Variants in TMEM126A observed in about 807,000 individuals in gnomAD.
TMEM126A encodes transmembrane protein 126A.
TMEM126A carries 10 observed loss-of-function variants against 18.3 expected under a neutral mutation model. The observed-to-expected ratio is 0.55, with a 90% confidence interval of 0.34 to 0.93. TMEM126A has a LOEUF of 0.93. Among genes scored for constraint, TMEM126A ranks in the 40% least tolerant of loss-of-function variants. TMEM126A has a pLI of 0.02. For synonymous variants in TMEM126A, 68 were observed against 78.1 expected (o/e 0.87, Z 0.68); for missense variants, 246 against 230.2 (o/e 1.07, Z -0.44).
intron 2 of TMEM126A, among the ~76,000 whole-genome samples, chr11:85,653,766 C>T (rs2082517540): frequency 6.6e-6 from 1 of 152,108 alleles, no homozygotes; most frequent in Non-Finnish European, 1.5e-5. Flanking sequence ...TGTTTAAAGA[C>T]TAGTGTAGAA....
chr11:85,648,967 C>G (rs950016720), intron 1 of TMEM126A, among the ~76,000 whole-genome samples: 9 of 143,090 alleles, frequency 6.3e-5, no homozygotes, highest in African/African-American at 1.9e-4. Context: ...GACCGAGTCT[C>G]GCTCTCACCC....
intron 1 of TMEM126A, among the ~76,000 whole-genome samples, chr11:85,649,658 T>A (rs2082485490): frequency 6.6e-6 from 1 of 152,254 alleles, no homozygotes; most frequent in Non-Finnish European, 1.5e-5. Context: ...CCCGCATTCT[T>A]GCCAATAATT....
rs894357391 is a variant in TMEM126A at position 85,655,646 on chromosome 11, T to G, written c.333T>G (p.Leu111=). The G allele has an allele frequency of 6.2e-7, 1 of 1,613,636 alleles. No individual in the cohort carries two copies. The highest frequency in any genetic ancestry group is 1.3e-5 in the African/African-American group (1 of 74,912). The part of the protein sequence containing the change: ...CTITRSGLTG[L]VIGGLYPVFL... ...TAACACGGAGTGGACTGACTGGTCTTGTTATTGGTGGTCTATACCCTGTTT... is the reference window on the plus strand; with the variant it reads ...TAACACGGAGTGGACTGACTGGTCTGGTTATTGGTGGTCTATACCCTGTTT... The change falls in exon 4 of 5, where the codon CTT becomes CTG. Residue 111 remains leucine (L), a synonymous_variant. Transcript: ENST00000304511.
At chr11:85,648,936 G>GTTTTT (rs760886814) in intron 1 of TMEM126A, among the ~76,000 whole-genome samples, 2 of 132,414 alleles carry the variant, frequency 1.5e-5, no homozygotes, top group Admixed American at 7.6e-5. Context: ...TCCCTGAACT[G>GTTTTT]TTTTTTTTTT....
intron 3 of TMEM126A, among the ~76,000 whole-genome samples, chr11:85,654,753 A>G (rs530050432): frequency 2.0e-5 from 3 of 152,172 alleles, no homozygotes; most frequent in South Asian, 4.2e-4. Context: ...GCACCCGGCA[A>G]TACTTCCCTT....
At chr11:85,651,682 G>C (rs1194190430) in intron 2 of TMEM126A, among the ~76,000 whole-genome samples, 2 of 151,752 alleles carry the variant, frequency 1.3e-5, no homozygotes, top group Non-Finnish European at 1.5e-5. Flanking sequence ...ATCTCCAAGG[G>C]GAAGAAAAAA....
At chr11:85,649,339 G>C (rs1159085856) in intron 1 of TMEM126A, among the ~76,000 whole-genome samples, 1 of 152,194 alleles carries the variant, frequency 6.6e-6, no homozygotes. Flanking sequence ...CAAACTACTG[G>C]CATGTAGGCC....
intron 1 of TMEM126A, among the ~76,000 whole-genome samples, chr11:85,648,968 G>T: frequency 7.5e-6 from 1 of 133,954 alleles, no homozygotes; most frequent in African/African-American, 2.9e-5. Context: ...ACCGAGTCTC[G>T]CTCTCACCCA....
intron 2 of TMEM126A, among the ~76,000 whole-genome samples, chr11:85,652,680 TG>T (rs905018328): frequency 6.6e-5 from 10 of 152,174 alleles, no homozygotes; most frequent in African/African-American, 2.4e-4. Flanking sequence ...ACCTTAGCTA[TG>T]GGAAAAATCT....
At chr11:85,651,069 CAAAAAAAAA>C (rs3068382) in intron 2 of TMEM126A, among the ~76,000 whole-genome samples, 5 of 79,868 alleles carry the variant, frequency 6.3e-5, no homozygotes, top group East Asian at 3.9e-4. Context: ...GGATCCGTCT[CAAAAAAAAA>C]AAAAAAAAAA....
At position 85,656,527 on chromosome 11, in the gene TMEM126A, T is replaced by C; in HGVS notation, c.*26T>C. 6.4e-7 allele frequency: 1 copy of C among 1,574,174 alleles called. No individual in the cohort carries two copies. The highest frequency in any genetic ancestry group is 8.7e-7 in the Non-Finnish European group (1 of 1,148,314). On this transcript the variant is annotated 3_prime_UTR_variant, in exon 5 of 5. Coordinates refer to ENST00000304511, the MANE Select transcript of TMEM126A (RefSeq NM_032273.4). ...TTTTAAACAAATATGTAAACAAAAA[T>C]AAAATGGTAAAAACAGTTTATGTCT...
At chr11:85,654,761 C>G (rs2082525512) in intron 3 of TMEM126A, among the ~76,000 whole-genome samples, 1 of 151,952 alleles carries the variant, frequency 6.6e-6, no homozygotes, top group Non-Finnish European at 1.5e-5. Context: ...CAATACTTCC[C>G]TTTTTCTAAC....
Position 85,655,580 on chromosome 11 carries a change from A to C in TMEM126A, c.281-14A>C. ...TATCATGACCTTCATTTCTATGACT[A>C]ATTTATTTCCTAGGTGATTTGGATT... On this transcript the variant is annotated splice_polypyrimidine_tract_variant and intron_variant, in intron 3 of 4. Coordinates refer to ENST00000304511, the MANE Select transcript of TMEM126A (RefSeq NM_032273.4). 2.5e-6 allele frequency: 4 copies of C among 1,581,992 alleles called. No homozygotes were observed. The highest frequency in any genetic ancestry group is 3.5e-6 in the Non-Finnish European group (4 of 1,150,914).
In TMEM126A at chr11:85,654,063, G is replaced by C. The variant is rs142717432; in HGVS notation, c.87G>C (p.Arg29Ser). The change falls in exon 3 of 5, where the codon AGG (arginine) becomes AGC (serine). Residue 29 changes from arginine (R) to serine (S), a missense_variant and splice_region_variant. Arg to Ser is a moderately radical substitution (Grantham distance 110). Transcript: ENST00000304511. The part of the protein sequence containing the change: ...RKINQLPEAE[R>S]NLLENGSVYV... Reference sequence around the variant, plus strand: ...AAGTTCTTTCTTCTCACCCTTTCAGGAATCTACTTGAAAATGGATCGGTTT... The same window carrying C: ...AAGTTCTTTCTTCTCACCCTTTCAGCAATCTACTTGAAAATGGATCGGTTT... 316 of 1,614,118 alleles carry C rather than the reference G, an allele frequency of 2.0e-4. No homozygotes were observed. Among genetic ancestry groups the C allele is most frequent in the Non-Finnish European group, 2.3e-4 (268 of 1,180,018 alleles).
At chr11:85,655,483 GAT>G in intron 3 of TMEM126A, 109 bp from the exon 4 acceptor site, 1 of 807,348 alleles carries the variant, frequency 1.2e-6, no homozygotes, top group Middle Eastern at 2.2e-4. Flanking sequence ...AATTACATTT[GAT>G]ATATTACCTG....
At chr11:85,652,427 C>T (rs1036501449) in intron 2 of TMEM126A, among the ~76,000 whole-genome samples, 10 of 152,242 alleles carry the variant, frequency 6.6e-5, no homozygotes, top group Admixed American at 4.6e-4. Context: ...TTAATGGTTA[C>T]TTGGCATGTC....
chr11:85,650,109 T>C, intron 1 of TMEM126A, 140 bp from the exon 2 acceptor site: 1 of 577,242 alleles, frequency 1.7e-6, no homozygotes. Context: ...CTGGTTTCTG[T>C]TTCACTTAGA....
At chr11:85,655,521 G>A in intron 3 of TMEM126A, 73 bp from the exon 4 acceptor site, 1 of 1,097,762 alleles carries the variant, frequency 9.1e-7, no homozygotes, top group Non-Finnish European at 1.4e-6. Flanking sequence ...ACACAAAAGA[G>A]GATCTTACAT....
chr11:85,650,169 A>C lies in TMEM126A; in HGVS notation c.-7-80A>C, dbSNP rs529056994. ...ATGATTTTTTTCAGATTAGCTCTAC[A>C]GTATTATTTTTAGTCTTCAGAAGGT... On this transcript the variant is annotated intron_variant, in intron 1 of 4. Transcript: ENST00000304511. 1.5e-4 allele frequency: 126 copies of C among 842,424 alleles called. No homozygotes were observed. The African/African-American group carries it at 2.0e-3, about 13-fold the overall frequency. 52.2% of individuals were successfully genotyped at this position (842,424 alleles called of 1,614,324 possible). A position where few individuals can be genotyped will look rare whatever the true frequency, so the allele number is the denominator to read the frequency against.
Sources: gnomAD v4.1 joint callset for allele counts (sites outside exome capture counted in the v4.1 genomes callset) on GRCh38, gnomAD v4.1.1 for gene constraint, MANE v1.5 for transcripts, NCBI Gene and HGNC (gene_info 2026-07-23, HGNC 2026-07-21) for gene names.